The following HECW1 variants were observed in gnomAD, a reference collection of about 807,000 sequenced individuals.
HECW1 encodes the protein E3 ubiquitin-protein ligase HECW1.
Under a neutral mutation model 182.3 loss-of-function variants are expected in HECW1, and 61 were observed. That is an observed-to-expected ratio of 0.33 (90% confidence interval 0.27 to 0.41). The LOEUF (loss-of-function observed/expected upper bound fraction) is 0.41, where lower values mean the gene tolerates loss of function less well. HECW1 is among the 10% of genes least tolerant of loss of function. The probability of loss-of-function intolerance (pLI) is 1.00; values close to 1 mark genes in which losing one functional copy is unlikely to be tolerated. For synonymous variants in HECW1, 859 were observed against 832.6 expected (o/e 1.03, Z -0.55); for missense variants, 1,739 against 2,108.9 (o/e 0.82, Z 3.44).
At chr7:43,486,084 C>T (rs572386848) in intron 17 of HECW1, among the ~76,000 whole-genome samples, 70 of 152,190 alleles carry the variant, frequency 4.6e-4, no homozygotes, top group Middle Eastern at 3.4e-3. Flanking sequence ...GTTCAACTCC[C>T]ACTTATGAGT....
At chr7:43,407,470 C>T in intron 7 of HECW1, 92 bp from the exon 8 acceptor site, 2 of 907,364 alleles carry the variant, frequency 2.2e-6, no homozygotes, top group South Asian at 1.7e-5. Flanking sequence ...TTCATAAGGG[C>T]CAATGGTCCT....
intron 29 of HECW1, among the ~76,000 whole-genome samples, chr7:43,560,528 T>C (rs2082175362): frequency 6.6e-6 from 1 of 151,810 alleles, no homozygotes; most frequent in Non-Finnish European, 1.5e-5. Flanking sequence ...GCTGGGCAGA[T>C]GAAAACACCA....
intron 2 of HECW1, among the ~76,000 whole-genome samples, chr7:43,123,428 T>C (rs148983047): frequency 8.2e-4 from 125 of 152,340 alleles, no homozygotes; most frequent in Non-Finnish European, 1.3e-3. Context: ...AGACCACTGC[T>C]GTAGGAACAT....
chr7:43,561,684 T>C (rs1337318030), intron 29 of HECW1, 131 bp from the exon 30 acceptor site: 2 of 633,632 alleles, frequency 3.2e-6, no homozygotes, highest in Admixed American at 5.5e-5. Context: ...TGCAATGTTT[T>C]ATGGTGGTCC....
At chr7:43,179,560 G>GT (rs796490583) in intron 2 of HECW1, among the ~76,000 whole-genome samples, 9 of 149,044 alleles carry the variant, frequency 6.0e-5, no homozygotes, top group African/African-American at 1.2e-4. Context: ...TAAGTTTGTT[G>GT]TTGTTGTTGT....
intron 16 of HECW1, among the ~76,000 whole-genome samples, chr7:43,472,946 A>G (rs2078079800): frequency 6.6e-6 from 1 of 152,176 alleles, no homozygotes; most frequent in African/African-American, 2.4e-5. Flanking sequence ...GATAGTTTGG[A>G]TATGATTTGT....
At chr7:43,556,232 G>A (rs1298894045) in intron 29 of HECW1, among the ~76,000 whole-genome samples, 1 of 152,208 alleles carries the variant, frequency 6.6e-6, no homozygotes, top group African/African-American at 2.4e-5. Flanking sequence ...GGAATAGGGA[G>A]AAGGGGGCTT....
In HECW1 at chr7:43,445,340, A is replaced by G. The variant is rs1372453344; in HGVS notation, c.2168A>G (p.Asp723Gly). ...FASHTRFSSV[D>G]SAKISESTVF... ...AGCCACACGCGCTTCTCCTCCGTGG[A>G]CAGCGCCAAGATCTCCGAGAGCACG... is the stretch of plus-strand genomic sequence containing the variant. The change falls in exon 11 of 30, where the codon GAC becomes GGC. Residue 723 changes from aspartate (D) to glycine (G), a missense_variant. By Grantham distance (94) the Asp-to-Gly change is moderately conservative. This residue lies in a region of HECW1 where 971 missense variants were observed against 1,029.1 expected (regional missense o/e 0.94). Transcript: ENST00000395891. 6.2e-7 allele frequency: 1 copy of G among 1,613,760 alleles called. No individual in the cohort carries two copies. The highest frequency in any genetic ancestry group is 1.7e-5 in the Admixed American group (1 of 60,030).
intron 13 of HECW1, among the ~76,000 whole-genome samples, chr7:43,458,965 T>C (rs1029461803): frequency 1.3e-5 from 2 of 152,188 alleles, no homozygotes; most frequent in Non-Finnish European, 2.9e-5. Flanking sequence ...TAGCAATCAA[T>C]GTGTAAGCTT....
intron 7 of HECW1, among the ~76,000 whole-genome samples, chr7:43,403,352 G>T (rs1333139731): frequency 6.6e-6 from 1 of 152,156 alleles, no homozygotes; most frequent in African/African-American, 2.4e-5. Flanking sequence ...GTCTTCAGGG[G>T]CAGCAAGTTC....
chr7:43,512,408 T>C (rs1364663980), intron 24 of HECW1, among the ~76,000 whole-genome samples: 1 of 152,224 alleles, frequency 6.6e-6, no homozygotes, highest in Non-Finnish European at 1.5e-5. Context: ...AAAGTTGTTG[T>C]TGGTTTTTTC....
chr7:43,311,766 C>T lies in HECW1; in HGVS notation c.31C>T (p.Leu11=). The T allele has an allele frequency of 1.2e-6, 2 of 1,613,864 alleles. No homozygotes were observed. Among genetic ancestry groups the T allele is most frequent in the Non-Finnish European group, 1.7e-6 (2 of 1,179,848 alleles). Reference sequence around the variant, plus strand: ...CACTGTCTCTTTGCTCCCACAGAATCTGTACCAGAACAGGTTTTTAGGCCT... The same window carrying T: ...CACTGTCTCTTTGCTCCCACAGAATTTGTACCAGAACAGGTTTTTAGGCCT... MLLHLCSVKN[L]YQNRFLGLAA... The change falls in exon 4 of 30, where the codon CTG becomes TTG. Residue 11 remains leucine (L), a synonymous_variant. Transcript: ENST00000395891.
chr7:43,422,416 G>T (rs1354164541), intron 8 of HECW1, among the ~76,000 whole-genome samples: 1 of 148,790 alleles, frequency 6.7e-6, no homozygotes, highest in African/African-American at 2.5e-5. Context: ...AGGCTGGAGT[G>T]CAGTGGTACG....
At chr7:43,547,297 C>G (rs1460525984) in intron 26 of HECW1, among the ~76,000 whole-genome samples, 1 of 151,996 alleles carries the variant, frequency 6.6e-6, no homozygotes, top group African/African-American at 2.4e-5. Context: ...GCCTGTAATC[C>G]CAGCACTTTG....
At chr7:43,141,363 T>G (rs544402151) in intron 2 of HECW1, among the ~76,000 whole-genome samples, 2 of 152,320 alleles carry the variant, frequency 1.3e-5, no homozygotes, top group Admixed American at 1.3e-4. Flanking sequence ...TGGGTCACAG[T>G]GCTTACCTCA....
chr7:43,345,695 C>T (rs958284268), intron 5 of HECW1, among the ~76,000 whole-genome samples: 4 of 152,048 alleles, frequency 2.6e-5, no homozygotes, highest in African/African-American at 9.7e-5. Context: ...ATTTTCCCTT[C>T]CTGAGTTACA....
At chr7:43,328,619 A>T (rs1811088811) in intron 5 of HECW1, among the ~76,000 whole-genome samples, 1 of 152,216 alleles carries the variant, frequency 6.6e-6, no homozygotes, top group Non-Finnish European at 1.5e-5. Context: ...CATCTGGGGG[A>T]CATCAAAATT....
chr7:43,130,890 T>C (rs1786843281), intron 2 of HECW1, among the ~76,000 whole-genome samples: 3 of 152,186 alleles, frequency 2.0e-5, no homozygotes, highest in Admixed American at 2.0e-4. Flanking sequence ...TATACAATAA[T>C]CTACTTAGTA....
chr7:43,199,127 A>T (rs994546032), intron 2 of HECW1, among the ~76,000 whole-genome samples: 3 of 152,220 alleles, frequency 2.0e-5, no homozygotes, highest in Admixed American at 6.5e-5. Context: ...TCTCCAGGCA[A>T]GCTGAGAGCT....
Sources: gnomAD v4.1 joint callset for allele counts (sites outside exome capture counted in the v4.1 genomes callset) on GRCh38, gnomAD v4.1.1 for gene constraint, gnomAD v4.1.1 regional missense constraint, MANE v1.5 for transcripts, NCBI Gene and HGNC (gene_info 2026-07-23, HGNC 2026-07-21) for gene names.